Variants in SLC5A4 observed in about 807,000 individuals in gnomAD.
The protein encoded by SLC5A4 is probable glucose sensor protein SLC5A4.
A neutral mutation model predicts 70.3 loss-of-function variants in SLC5A4; 55 were observed. That is an observed-to-expected ratio of 0.78 (90% CI 0.63 to 0.98). The LOEUF (loss-of-function observed/expected upper bound fraction) is 0.98. Ranked by LOEUF, SLC5A4 falls within the 50% of genes least tolerant of loss-of-function variation. The probability of loss-of-function intolerance (pLI) is 0.00; values close to 1 mark genes in which losing one functional copy is unlikely to be tolerated. For missense variants in SLC5A4, 735 were observed against 839.2 expected, an observed-to-expected ratio of 0.88 and a Z score of 1.53; for synonymous variants, 268 against 305.7, an observed-to-expected ratio of 0.88 and a Z score of 1.29.
chr22:32,306,725 T>C, the SLC5A4 span, among the ~76,000 whole-genome samples: 1 of 152,162 alleles, frequency 6.6e-6, no homozygotes, highest in South Asian at 2.1e-4. Flanking sequence ...GTGGGAGGTC[T>C]CCTGCCTTGT....
chr22:32,259,205 G>A (rs754310738), upstream of SLC5A4, among the ~76,000 whole-genome samples: 101 of 152,212 alleles, frequency 6.6e-4, no homozygotes, highest in Non-Finnish European at 1.3e-3. Context: ...TTTGTTAAGG[G>A]GTAAAGTTCA....
chr22:32,349,240 T>C, the SLC5A4 span, among the ~76,000 whole-genome samples: 6 of 152,230 alleles, frequency 3.9e-5, no homozygotes, highest in East Asian at 1.9e-4. Flanking sequence ...CCCAAGGTGC[T>C]GGGATTACAG....
chr22:32,232,807 G>T, intron 9 of SLC5A4, 92 bp downstream of exon 9: 2 of 1,468,862 alleles, frequency 1.4e-6, no homozygotes, highest in Non-Finnish European at 9.2e-7. Flanking sequence ...CTTCCTTCCA[G>T]AATGGATTTT....
the SLC5A4 span, among the ~76,000 whole-genome samples, chr22:32,352,207 G>A: frequency 7.0e-6 from 1 of 142,884 alleles, no homozygotes; most frequent in Non-Finnish European, 1.5e-5. Context: ...TCATAGGTGG[G>A]AATTGAACAA....
chr22:32,257,545 G>T (rs1157245348), upstream of SLC5A4, among the ~76,000 whole-genome samples: 1 of 152,058 alleles, frequency 6.6e-6, no homozygotes, highest in East Asian at 1.9e-4. Flanking sequence ...AGAGGTGGGG[G>T]TCTTACCATG....
At chr22:32,272,418 C>T in the SLC5A4 span, 46 of 889,624 alleles carry the variant, frequency 5.2e-5, no homozygotes, top group African/African-American at 1.6e-5. Flanking sequence ...CCTTCATGGT[C>T]GACAGGCAGC....
the SLC5A4 span, among the ~76,000 whole-genome samples, chr22:32,311,905 G>C: frequency 6.6e-6 from 1 of 152,162 alleles, no homozygotes; most frequent in Non-Finnish European, 1.5e-5. Flanking sequence ...GTTGGAGCCT[G>C]GACTTTGGGT....
At chr22:32,268,092 C>G in the SLC5A4 span, among the ~76,000 whole-genome samples, 1 of 152,186 alleles carries the variant, frequency 6.6e-6, no homozygotes, top group Non-Finnish European at 1.5e-5. Flanking sequence ...CCACTGCACT[C>G]CAGCTAGCAT....
At position 32,251,804 on chromosome 22, in the gene SLC5A4, G is replaced by C; in HGVS notation, c.278C>G (p.Ala93Gly). The C allele has an allele frequency of 1.2e-6, 2 of 1,613,728 alleles. No homozygotes were observed. The highest frequency in any genetic ancestry group is 2.2e-5 in the South Asian group (2 of 91,076). ...AAATGTTACGGTGGCGACTCCTGAA[G>C]CTGCTCCTGTCCCAGCCAGCCCCAC... ...HYVGLAGTGA[A>G]SGVATVTFEW... Residue 93 changes from alanine (A) to glycine (G), a missense_variant, in exon 3 of 15, where the codon GCT becomes GGT. Coordinates refer to ENST00000266086, the MANE Select transcript of SLC5A4 (RefSeq NM_014227.3).
chr22:32,301,678 AT>A, the SLC5A4 span, among the ~76,000 whole-genome samples: 2 of 152,350 alleles, frequency 1.3e-5, no homozygotes, highest in Admixed American at 6.5e-5. Context: ...CCTGACATTT[AT>A]ATGGAAATGC....
chr22:32,315,950 C>T, the SLC5A4 span, among the ~76,000 whole-genome samples: 5,804 of 151,916 alleles, frequency 0.038, 340 homozygotes, highest in African/African-American at 0.13. Context: ...AGGTAGATCA[C>T]GAGGTCAGGA....
the SLC5A4 span, among the ~76,000 whole-genome samples, chr22:32,345,877 A>G: frequency 1.2e-4 from 19 of 152,368 alleles, no homozygotes; most frequent in Admixed American, 9.8e-4. Flanking sequence ...TCTAATTTAA[A>G]TTGCCACAGA....
the SLC5A4 span, among the ~76,000 whole-genome samples, chr22:32,312,365 G>A: frequency 0.29 from 29,573 of 101,766 alleles, 3,293 homozygotes; most frequent in East Asian, 0.41. Flanking sequence ...ACGCGCGCGC[G>A]CACACACACA....
chr22:32,338,680 A>C, the SLC5A4 span, among the ~76,000 whole-genome samples: 1 of 152,102 alleles, frequency 6.6e-6, no homozygotes, highest in East Asian at 1.9e-4. Context: ...AGAAATGCAA[A>C]CTGTATAGAA....
the SLC5A4 span, among the ~76,000 whole-genome samples, chr22:32,297,949 T>G: frequency 0.29 from 24,679 of 85,504 alleles, 2,538 homozygotes; most frequent in Admixed American, 0.32. Context: ...TCAGTTTCCA[T>G]GTAGTTGAGC....
upstream of SLC5A4, among the ~76,000 whole-genome samples, chr22:32,257,678 T>C (rs959910245): frequency 7.4e-6 from 1 of 134,922 alleles, no homozygotes; most frequent in Non-Finnish European, 1.6e-5. Context: ...TTAATTTTTT[T>C]TTTTGAGACA....
Position 32,248,747 on chromosome 22 carries a change from G to C in SLC5A4, c.368C>G (p.Ser123Trp). 6.2e-7 allele frequency: 1 copy of C among 1,610,416 alleles called. No homozygotes were observed. The highest frequency in any genetic ancestry group is 1.1e-5 in the South Asian group (1 of 90,980). The change falls in exon 4 of 15, where the codon TCG (serine) becomes TGG (tryptophan). Residue 123 changes from serine to tryptophan, a missense_variant. Coordinates refer to ENST00000266086, the MANE Select transcript of SLC5A4 (RefSeq NM_014227.3). ...GWIFVPIYIK[S>W]GVMTMPEYLK... Reference sequence around the variant, plus strand: ...ATTTTGGTAACAGATACTCACCCCCGACTTGATGTAGATAGGGACAAAGAT... The same window carrying C: ...ATTTTGGTAACAGATACTCACCCCCCACTTGATGTAGATAGGGACAAAGAT...
At chr22:32,292,530 G>C in the SLC5A4 span, among the ~76,000 whole-genome samples, 2 of 150,974 alleles carry the variant, frequency 1.3e-5, no homozygotes, top group Non-Finnish European at 2.9e-5. Flanking sequence ...GTCTTCCCCA[G>C]ACCCCACATC....
chr22:32,248,932 T>C, intron 3 of SLC5A4, 130 bp from the exon 4 acceptor site: 2 of 645,520 alleles, frequency 3.1e-6, no homozygotes, highest in Non-Finnish European at 5.6e-6. Context: ...TTCAAACAAC[T>C]ATAATCCCAA....
Sources: gnomAD v4.1 joint callset for allele counts (sites outside exome capture counted in the v4.1 genomes callset) on GRCh38, gnomAD v4.1.1 for gene constraint, MANE v1.5 for transcripts, NCBI Gene and HGNC (gene_info 2026-07-23, HGNC 2026-07-21) for gene names.